TANC2: variants seen among roughly 807,000 people sequenced by gnomAD.
The protein encoded by TANC2 is tetratricopeptide repeat, ankyrin repeat and coiled-coil containing 2.
Under a neutral mutation model 210.5 loss-of-function variants are expected in TANC2, and 26 were observed. That is an observed-to-expected ratio of 0.12 (90% CI 0.09 to 0.17). TANC2 has a LOEUF of 0.17. Ranked by LOEUF, TANC2 falls within the 10% of genes least tolerant of loss-of-function variation. TANC2 has a pLI of 1.00. For missense variants in TANC2, 2,129 were observed against 2,608.9 expected (o/e 0.82, Z 4.01); for synonymous variants, 931 against 967.1 (o/e 0.96, Z 0.69).
chr17:63,294,680 G>C (rs914818035), intron 9 of TANC2, among the ~76,000 whole-genome samples: 1 of 152,050 alleles, frequency 6.6e-6, no homozygotes, highest in Admixed American at 6.5e-5. Context: ...TATCACATCT[G>C]TTCATCTACC....
intron 20 of TANC2, 131 bp downstream of exon 20, chr17:63,405,386 C>T: frequency 9.0e-6 from 9 of 998,712 alleles, no homozygotes; most frequent in Non-Finnish European, 1.2e-5. Context: ...AGGACTTGGA[C>T]CTTTGTTATG....
exon 20 of TANC2, chr17:63,405,220 C>T: frequency 6.2e-7 from 1 of 1,607,252 alleles, no homozygotes. Flanking sequence ...AGGAGCAGTG[C>T]CACTATTCAG....
chr17:63,201,218 T>C (rs1439198272), intron 7 of TANC2, among the ~76,000 whole-genome samples: 1 of 152,144 alleles, frequency 6.6e-6, no homozygotes, highest in Non-Finnish European at 1.5e-5. Flanking sequence ...TGTCCACTTC[T>C]TCCTGTAAAT....
chr17:63,280,411 A>G (rs117157486), intron 9 of TANC2, among the ~76,000 whole-genome samples: 2,993 of 152,146 alleles, frequency 0.02, 52 homozygotes, highest in Non-Finnish European at 0.031. Flanking sequence ...CCTACTCTCT[A>G]TATAGAATAG....
At chr17:63,017,720 A>C (rs1437015891) in intron 2 of TANC2, among the ~76,000 whole-genome samples, 1 of 152,244 alleles carries the variant, frequency 6.6e-6, no homozygotes, top group Non-Finnish European at 1.5e-5. Flanking sequence ...TTTGTTAACA[A>C]AACATCTATT....
rs571632422 is a variant in TANC2 at position 63,336,287 on chromosome 17, A to G, written c.1576-3814A>G. 2.0e-5 allele frequency among the ~76,000 whole-genome samples: 3 copies of G among 152,350 alleles called. No individual in the cohort carries two copies. In the East Asian group the frequency reaches 5.8e-4, roughly 29 times the overall value. ...CTGCAATATTAGTTTAAGTGATACA[A>G]ATGCCAGTCAGTATGGAAATTAGAA... is the stretch of plus-strand genomic sequence containing the variant. On this transcript the variant is annotated intron_variant, in intron 11 of 27. Transcript: ENST00000689528.
At chr17:63,080,748 CG>C (rs2036743269) in intron 3 of TANC2, among the ~76,000 whole-genome samples, 1 of 151,938 alleles carries the variant, frequency 6.6e-6, no homozygotes, top group Admixed American at 6.6e-5. Flanking sequence ...TGGTTAATTA[CG>C]TAGAGTGACA....
At chr17:63,214,322 A>G (rs762413619) in intron 7 of TANC2, among the ~76,000 whole-genome samples, 2 of 152,312 alleles carry the variant, frequency 1.3e-5, no homozygotes, top group South Asian at 2.1e-4. Flanking sequence ...CTTGTAGCCA[A>G]TCCCTCAGTC....
intron 7 of TANC2, among the ~76,000 whole-genome samples, chr17:63,226,732 A>G (rs1033999395): frequency 1.3e-5 from 2 of 152,058 alleles, no homozygotes; most frequent in South Asian, 2.1e-4. Flanking sequence ...TGCATTAGCT[A>G]TTTATCCTGA....
chr17:63,038,660 A>AT lies in TANC2; in HGVS notation c.67+29043dup, dbSNP rs533932509. On this transcript the variant is annotated intron_variant, in intron 2 of 27. Transcript: ENST00000689528. ...TGGGCTTGGATATTTCTTTTTCATAATTTTTTTTTAAACTATAGACTTTAT... is the reference window on the plus strand; with the variant it reads ...TGGGCTTGGATATTTCTTTTTCATAATTTTTTTTTTAAACTATAGACTTTAT... Among the ~76,000 whole-genome samples the AT allele has an allele frequency of 4.4e-4, 67 of 151,514 alleles. 1 individual carries two copies. The highest frequency in any genetic ancestry group is 3.4e-3 in the Middle Eastern group (1 of 294).
chr17:63,023,360 A>G (rs2034427151), intron 2 of TANC2, among the ~76,000 whole-genome samples: 2 of 150,664 alleles, frequency 1.3e-5, no homozygotes, highest in East Asian at 1.9e-4. Flanking sequence ...TTGTGTGTGT[A>G]TGTGTGTGTG....
rs369891006 is a variant in TANC2, at chr17:63,393,351, T to C, written c.3052-2392T>C. 11 of 152,194 alleles carry C rather than the reference T, an allele frequency of 7.2e-5. No individual in the cohort carries two copies. The East Asian group carries it at 2.1e-3, about 29-fold the overall frequency. The allele number at this position is 152,194 out of a possible 1,614,324, so 9.4% of individuals were successfully genotyped here. On this transcript the variant is annotated intron_variant, in intron 17 of 27. Coordinates refer to ENST00000689528, the Ensembl canonical transcript of TANC2. ...GTGGTGTTAACCTCAGTCACTTGGC[T>C]ACCCTAGACCTGCTCACCAACACAC...
intron 14 of TANC2, among the ~76,000 whole-genome samples, chr17:63,369,810 C>T (rs954229300): frequency 6.6e-6 from 1 of 152,000 alleles, no homozygotes; most frequent in African/African-American, 2.4e-5. Flanking sequence ...ATCATGGTAG[C>T]CAGGCTGGTC....
At chr17:62,972,807 G>T (rs77358751) in intron 1 of TANC2, among the ~76,000 whole-genome samples, 1 of 152,140 alleles carries the variant, frequency 6.6e-6, no homozygotes, top group East Asian at 1.9e-4. Context: ...GGTTCCTTCA[G>T]TATGTAGTAT....
At chr17:63,248,923 A>AAT (rs1338914065) in intron 8 of TANC2, among the ~76,000 whole-genome samples, 1 of 152,168 alleles carries the variant, frequency 6.6e-6, no homozygotes, top group Non-Finnish European at 1.5e-5. Flanking sequence ...AAATGGAAGA[A>AAT]ATATATATAG....
intron 4 of TANC2, among the ~76,000 whole-genome samples, chr17:63,121,154 C>T (rs2038459253): frequency 6.6e-6 from 1 of 151,954 alleles, no homozygotes; most frequent in Non-Finnish European, 1.5e-5. Flanking sequence ...CATTTCTAGT[C>T]ATCCTAGCTA....
chr17:63,082,153 A>G (rs2036800860), intron 3 of TANC2, among the ~76,000 whole-genome samples: 1 of 152,244 alleles, frequency 6.6e-6, no homozygotes, highest in Non-Finnish European at 1.5e-5. Context: ...CCTGGGCGAC[A>G]GAGCGAGACT....
At chr17:63,075,171 A>G (rs942795339) in intron 3 of TANC2, among the ~76,000 whole-genome samples, 5 of 152,192 alleles carry the variant, frequency 3.3e-5, no homozygotes, top group African/African-American at 1.2e-4. Context: ...TTTTGATATA[A>G]AAATGAGATT....
chr17:63,058,005 G>A (rs751758453), intron 2 of TANC2, among the ~76,000 whole-genome samples: 11 of 152,096 alleles, frequency 7.2e-5, no homozygotes, highest in Non-Finnish European at 1.6e-4. Context: ...TTGAGGAATT[G>A]CCACACTGCT....
Sources: allele counts gnomAD v4.1 joint callset (sites outside exome capture counted in the v4.1 genomes callset), GRCh38; gene constraint gnomAD v4.1.1; transcripts MANE v1.5; gene names NCBI Gene and HGNC (gene_info 2026-07-23, HGNC 2026-07-21).